The following PAK1IP1 variants were observed in gnomAD, a reference collection of about 807,000 sequenced individuals.
The protein encoded by PAK1IP1 is p21-activated protein kinase-interacting protein 1.
In PAK1IP1, 24 loss-of-function variants were observed where a neutral mutation model predicts 42.0. That is an observed-to-expected ratio of 0.57 (90% CI 0.41 to 0.80). The LOEUF is 0.80. Ranked by LOEUF, PAK1IP1 falls within the 30% of genes least tolerant of loss-of-function variation. The pLI is 0.00. For missense variants in PAK1IP1, 411 were observed against 467.9 expected, an observed-to-expected ratio of 0.88 and a Z score of 1.12; for synonymous variants, 154 against 156.7, an observed-to-expected ratio of 0.98 and a Z score of 0.13.
At chr6:10,708,196 T>TC in intron 8 of PAK1IP1, among the ~76,000 whole-genome samples, 1 of 140,972 alleles carries the variant, frequency 7.1e-6, no homozygotes, top group Non-Finnish European at 1.5e-5. Flanking sequence ...TCCTCTCCTT[T>TC]CCCCCCACTG....
intron 6 of PAK1IP1, 39 bp from the exon 7 acceptor site, chr6:10,704,708 G>A (rs745975575): frequency 6.3e-7 from 1 of 1,596,788 alleles, no homozygotes; most frequent in East Asian, 2.2e-5. Context: ...AACTGTTGAT[G>A]ACATTCTGGA....
At position 10,695,076 on chromosome 6, in the gene PAK1IP1, T is replaced by A; in HGVS notation, c.84+7T>A. On this transcript the variant is annotated splice_region_variant and intron_variant, in intron 1 of 9. Coordinates refer to ENST00000379568, the MANE Select transcript of PAK1IP1 (RefSeq NM_017906.3). ...GGCTTGCGGCGACCACGAGGTGAGA[T>A]ACCGCGTAGTTAGAGACAGTCGGAG... The A allele has an allele frequency of 6.4e-7, 1 of 1,573,848 alleles. No homozygotes were observed. The highest frequency in any genetic ancestry group is 8.7e-7 in the Non-Finnish European group (1 of 1,154,966).
intron 7 of PAK1IP1, among the ~76,000 whole-genome samples, chr6:10,705,147 AC>A (rs1770162798): frequency 6.6e-6 from 1 of 151,866 alleles, no homozygotes; most frequent in Admixed American, 6.6e-5. Context: ...ACATGGTGAA[AC>A]CCCGTCTCTA....
At chr6:10,698,060 G>T (rs1769911104) in intron 2 of PAK1IP1, among the ~76,000 whole-genome samples, 1 of 152,196 alleles carries the variant, frequency 6.6e-6, no homozygotes, top group Admixed American at 6.5e-5. Flanking sequence ...GGTAAAGTTT[G>T]CAAGGAGGGA....
upstream of PAK1IP1, among the ~76,000 whole-genome samples, chr6:10,690,876 A>G (rs1769230440): frequency 6.6e-6 from 1 of 152,198 alleles, no homozygotes; most frequent in Non-Finnish European, 1.5e-5. Flanking sequence ...ATTTACAGGA[A>G]GTTATGCTCA....
At chr6:10,701,056 T>TTTTTC (rs1229686772) in intron 2 of PAK1IP1, among the ~76,000 whole-genome samples, 1 of 152,020 alleles carries the variant, frequency 6.6e-6, no homozygotes, top group Non-Finnish European at 1.5e-5. Context: ...TTTGGTTTTC[T>TTTTTC]TTTTCTTTTC....
chr6:10,691,244 C>T (rs758133286), upstream of PAK1IP1, among the ~76,000 whole-genome samples: 18 of 152,166 alleles, frequency 1.2e-4, no homozygotes, highest in Non-Finnish European at 2.2e-4. Flanking sequence ...CCTCAGCCAG[C>T]GAGTTTAAGA....
chr6:10,693,271 T>C (rs78263600), upstream of PAK1IP1, among the ~76,000 whole-genome samples: 5,523 of 152,220 alleles, frequency 0.036, 323 homozygotes, highest in African/African-American at 0.12. Flanking sequence ...TGTTCAGGAG[T>C]GCTCTCACCA....
upstream of PAK1IP1, among the ~76,000 whole-genome samples, chr6:10,693,509 G>A (rs1769541378): frequency 6.6e-6 from 1 of 152,190 alleles, no homozygotes; most frequent in East Asian, 1.9e-4. Flanking sequence ...GAACACCAGA[G>A]AAGAAAAGTT....
At chr6:10,694,314 C>G (rs936166646), upstream of PAK1IP1, among the ~76,000 whole-genome samples, 1 of 151,376 alleles carries the variant, frequency 6.6e-6, no homozygotes, top group Non-Finnish European at 1.5e-5. Context: ...GGAGGTGCCG[C>G]AACCTTGGCC....
rs60927677 is a variant in PAK1IP1, at chr6:10,703,041, A to G, written c.444-364A>G. The stretch of plus-strand genomic sequence containing the variant: ...AGGATGGTCTTGATCTCCTGACCTC[A>G]TGATCCGCCCGCCTCAGCCTCCGAA... On this transcript the variant is annotated intron_variant, in intron 4 of 9. Transcript: ENST00000379568. Among the ~76,000 whole-genome samples, 883 of 152,080 alleles carry G rather than the reference A, an allele frequency of 5.8e-3. 8 individuals are homozygous for G. The highest frequency in any genetic ancestry group is 0.02 in the African/African-American group (837 of 41,492).
In PAK1IP1 at chr6:10,709,286, T is replaced by C. The variant is rs375199458; in HGVS notation, c.1013T>C (p.Val338Ala). The C allele has an allele frequency of 4.3e-6, 7 of 1,613,830 alleles. No individual in the cohort carries two copies. Among genetic ancestry groups the C allele is most frequent in the Non-Finnish European group, 5.1e-6 (6 of 1,179,990 alleles). The change falls in exon 10 of 10, where the codon GTG becomes GCG. Residue 338 changes from valine (V) to alanine (A), a missense_variant. Physicochemically the swap from Val to Ala is moderately conservative, Grantham distance 64. Transcript: ENST00000379568. Reference protein sequence around the residue: ...KIGKKEPGDTVHKEEKRSKPN... With the variant: ...KIGKKEPGDTAHKEEKRSKPN... ...GGCAAAAAGGAGCCTGGTGACACAG[T>C]GCACAAAGAAGAAAAGCGGTCAAAA...
At chr6:10,702,949 G>A (rs1258446470) in intron 4 of PAK1IP1, among the ~76,000 whole-genome samples, 1 of 152,096 alleles carries the variant, frequency 6.6e-6, no homozygotes, top group East Asian at 1.9e-4. Flanking sequence ...TGGAACTACA[G>A]GCGCCCACCA....
chr6:10,703,812 A>C (rs112192443), intron 5 of PAK1IP1, among the ~76,000 whole-genome samples: 1 of 152,306 alleles, frequency 6.6e-6, no homozygotes, highest in African/African-American at 2.4e-5. Flanking sequence ...CTCAACCTGT[A>C]TATTTTACAG....
chr6:10,703,381 G>A (rs75955141), intron 4 of PAK1IP1, 24 bp from the exon 5 acceptor site: 34 of 1,591,822 alleles, frequency 2.1e-5, no homozygotes, highest in African/African-American at 1.3e-4. Context: ...TGATCACACC[G>A]TAAGTGAGCT....
In PAK1IP1 at chr6:10,695,040, C is replaced by T; in HGVS notation, c.55C>T (p.Pro19Ser). ...EQVLFGFAVH[P>S]EPEACGDHEQ... ...GGTCCTCTTTGGGTTCGCTGTACACCCGGAGCCCGAGGCTTGCGGCGACCA... is the reference window on the plus strand; with the variant it reads ...GGTCCTCTTTGGGTTCGCTGTACACTCGGAGCCCGAGGCTTGCGGCGACCA... Residue 19 changes from proline (P) to serine (S), a missense_variant, in exon 1 of 10, where the codon CCG becomes TCG. Transcript: ENST00000379568. 2 of 1,602,814 alleles carry T rather than the reference C, an allele frequency of 1.2e-6. No homozygotes were observed. The highest frequency in any genetic ancestry group is 1.1e-5 in the South Asian group (1 of 91,058).
chr6:10,709,435 A>G lies in PAK1IP1; in HGVS notation c.1162A>G (p.Ile388Val), dbSNP rs537437372. The G allele has an allele frequency of 1.2e-6, 2 of 1,609,272 alleles. No individual in the cohort carries two copies. Among genetic ancestry groups the G allele is most frequent in the Admixed American group, 1.7e-5 (1 of 59,610 alleles). The part of the protein sequence containing the change: ...MLEKKRKKKK[I>V]KTMQ The stretch of plus-strand genomic sequence containing the variant: ...GGAAAAGAAGAGGAAAAAGAAGAAA[A>G]TAAAAACAATGCAGTGAATCACAGA... Residue 388 changes from isoleucine (I) to valine (V), a missense_variant, in exon 10 of 10, where the codon ATA (isoleucine) becomes GTA (valine). Physicochemically the swap from Ile to Val is conservative, Grantham distance 29. Coordinates refer to ENST00000379568, the MANE Select transcript of PAK1IP1 (RefSeq NM_017906.3).
At chr6:10,696,948 G>GA (rs1253931595) in intron 1 of PAK1IP1, among the ~76,000 whole-genome samples, 1 of 152,176 alleles carries the variant, frequency 6.6e-6, no homozygotes, top group Admixed American at 6.5e-5. Context: ...GTGAATATCT[G>GA]AAAAAATAAA....
chr6:10,696,013 A>G (rs1049441144), intron 1 of PAK1IP1, among the ~76,000 whole-genome samples: 1 of 151,970 alleles, frequency 6.6e-6, no homozygotes. Context: ...GACACACAGT[A>G]GTCCTCACAG....
Sources: gnomAD v4.1 joint callset for allele counts (sites outside exome capture counted in the v4.1 genomes callset) on GRCh38, gnomAD v4.1.1 for gene constraint, MANE v1.5 for transcripts, NCBI Gene and HGNC (gene_info 2026-07-23, HGNC 2026-07-21) for gene names.